C1orf21: variants seen among roughly 807,000 people sequenced by gnomAD.
C1orf21 encodes the protein chromosome 1 open reading frame 21.
Under a neutral mutation model 18.7 loss-of-function variants are expected in C1orf21, and 3 were observed. The observed-to-expected ratio is 0.16, with a 90% CI of 0.07 to 0.42. The LOEUF (loss-of-function observed/expected upper bound fraction) is 0.42, where lower values mean the gene tolerates loss of function less well. Among genes scored for constraint, C1orf21 ranks in the 10% least tolerant of loss-of-function variants. The pLI, the probability that C1orf21 is intolerant of heterozygous loss-of-function variation, is 0.99. For missense variants in C1orf21, 104 were observed against 143.6 expected, an observed-to-expected ratio of 0.72 and a Z score of 1.41; for synonymous variants, 41 against 46.4, an observed-to-expected ratio of 0.88 and a Z score of 0.47.
intron 3 of C1orf21, among the ~76,000 whole-genome samples, chr1:184,537,810 C>G (rs375079442): frequency 1.3e-5 from 2 of 152,004 alleles, no homozygotes; most frequent in South Asian, 4.2e-4. Flanking sequence ...GCTACCATGC[C>G]GGCTAATTTT....
intron 1 of C1orf21, among the ~76,000 whole-genome samples, chr1:184,436,132 G>T (rs1375539331): frequency 6.6e-6 from 1 of 152,106 alleles, no homozygotes. Flanking sequence ...AGGGAAAATT[G>T]CAGAAGAGAA....
At chr1:184,592,959 T>C (rs545830960) in intron 4 of C1orf21, among the ~76,000 whole-genome samples, 1 of 152,340 alleles carries the variant, frequency 6.6e-6, no homozygotes, top group East Asian at 1.9e-4. Context: ...AGGTGAATGT[T>C]GTGCTATGGC....
chr1:184,516,474 A>T (rs1658230407), intron 3 of C1orf21, among the ~76,000 whole-genome samples: 1 of 152,146 alleles, frequency 6.6e-6, no homozygotes, highest in African/African-American at 2.4e-5. Context: ...GTCCATTTTC[A>T]TGCTGCTGAC....
chr1:184,509,540 T>C (rs2101964667), intron 3 of C1orf21, among the ~76,000 whole-genome samples: 1 of 152,260 alleles, frequency 6.6e-6, no homozygotes, highest in African/African-American at 2.4e-5. Context: ...TAAGTGACTG[T>C]TCAGTTATTT....
At chr1:184,540,383 C>T (rs1658628782) in intron 3 of C1orf21, among the ~76,000 whole-genome samples, 1 of 151,768 alleles carries the variant, frequency 6.6e-6, no homozygotes, top group Non-Finnish European at 1.5e-5. Context: ...ACTTATGATA[C>T]ATCTTTGATT....
At chr1:184,593,898 C>T (rs141961799) in intron 4 of C1orf21, among the ~76,000 whole-genome samples, 230 of 152,254 alleles carry the variant, frequency 1.5e-3, no homozygotes, top group African/African-American at 5.3e-3. Context: ...TAGAACATGA[C>T]GCACTCTATA....
intron 1 of C1orf21, among the ~76,000 whole-genome samples, chr1:184,441,801 T>C (rs1310792432): frequency 6.6e-6 from 1 of 152,248 alleles, no homozygotes; most frequent in African/African-American, 2.4e-5. Flanking sequence ...TTTAATCTGG[T>C]TTAGAAGCAT....
chr1:184,573,550 T>C (rs905429065), intron 3 of C1orf21, among the ~76,000 whole-genome samples: 27 of 152,270 alleles, frequency 1.8e-4, no homozygotes, highest in African/African-American at 6.3e-4. Context: ...TTGTATATTT[T>C]ATTTTCACAT....
intron 5 of C1orf21, among the ~76,000 whole-genome samples, chr1:184,599,897 C>T (rs958781748): frequency 2.6e-5 from 4 of 152,300 alleles, no homozygotes. Context: ...CACAGATATT[C>T]CAAAATTCGG....
chr1:184,486,230 T>C (rs1224796197), intron 2 of C1orf21, among the ~76,000 whole-genome samples: 1 of 152,220 alleles, frequency 6.6e-6, no homozygotes, highest in Non-Finnish European at 1.5e-5. Context: ...TCCTGGGCCA[T>C]GCTGATGCTC....
intron 1 of C1orf21, among the ~76,000 whole-genome samples, chr1:184,402,610 C>T (rs1420568310): frequency 2.2e-5 from 3 of 133,844 alleles, no homozygotes; most frequent in African/African-American, 1.2e-4. Context: ...GAGCAAGACC[C>T]TGTCTCAAAA....
chr1:184,522,177 G>A (rs182874114), intron 3 of C1orf21, among the ~76,000 whole-genome samples: 2 of 151,918 alleles, frequency 1.3e-5, no homozygotes, highest in African/African-American at 2.4e-5. Flanking sequence ...AGATACAGAT[G>A]GAAACATGGA....
intron 4 of C1orf21, 70 bp downstream of exon 4, chr1:184,590,885 C>T: frequency 7.5e-7 from 1 of 1,328,166 alleles, no homozygotes; most frequent in Non-Finnish European, 1.1e-6. Flanking sequence ...TCTGTGGATT[C>T]AACTACCCAT....
chr1:184,453,658 C>CTT (rs112168366), intron 1 of C1orf21, among the ~76,000 whole-genome samples: 2 of 151,536 alleles, frequency 1.3e-5, no homozygotes, highest in South Asian at 2.1e-4. Flanking sequence ...TAGACCAAAA[C>CTT]TTTTTTTTTA....
chr1:184,542,010 A>G (rs1411230860), intron 3 of C1orf21, among the ~76,000 whole-genome samples: 2 of 152,214 alleles, frequency 1.3e-5, no homozygotes, highest in Non-Finnish European at 2.9e-5. Flanking sequence ...GGCGAAGGTG[A>G]TTGAACTGTG....
At chr1:184,502,442 ACATTCAAAC>A (rs1657990430) in intron 2 of C1orf21, among the ~76,000 whole-genome samples, 1 of 152,164 alleles carries the variant, frequency 6.6e-6, no homozygotes, top group Non-Finnish European at 1.5e-5. Context: ...GGGAACGTCA[ACATTCAAAC>A]CATAGCAACC....
intron 1 of C1orf21, among the ~76,000 whole-genome samples, chr1:184,441,474 A>T (rs1392542616): frequency 6.6e-6 from 1 of 152,208 alleles, no homozygotes; most frequent in African/African-American, 2.4e-5. Context: ...TTGTATTCTT[A>T]CTCAACCTAA....
chr1:184,610,195 CAT>C (rs1659708084), intron 5 of C1orf21, among the ~76,000 whole-genome samples: 1 of 152,182 alleles, frequency 6.6e-6, no homozygotes. Context: ...TATTTTGTGA[CAT>C]GTGAAAAACA....
At chr1:184,425,121 G>T (rs1265472060) in intron 1 of C1orf21, among the ~76,000 whole-genome samples, 1 of 152,130 alleles carries the variant, frequency 6.6e-6, no homozygotes, top group Non-Finnish European at 1.5e-5. Flanking sequence ...GTGACTTCTG[G>T]CTCTATCCCA....
Sources: gnomAD v4.1 joint callset for allele counts (sites outside exome capture counted in the v4.1 genomes callset) on GRCh38, gnomAD v4.1.1 for gene constraint, MANE v1.5 for transcripts, NCBI Gene and HGNC (gene_info 2026-07-23, HGNC 2026-07-21) for gene names.